RPH3A: variants seen among roughly 807,000 people sequenced by gnomAD.
RPH3A encodes rabphilin 3A, also known as rabphilin-3A.
RPH3A carries 48 observed loss-of-function variants against 102.2 expected under a neutral mutation model. The observed-to-expected ratio is 0.47, with a 90% CI of 0.37 to 0.60. RPH3A has a LOEUF of 0.60. RPH3A is among the 20% of genes least tolerant of loss of function. The probability of loss-of-function intolerance (pLI) is 0.00; values close to 1 mark genes in which losing one functional copy is unlikely to be tolerated. For missense variants in RPH3A, 781 were observed against 910.1 expected, an observed-to-expected ratio of 0.86 and a Z score of 1.83; for synonymous variants, 310 against 324.3, an observed-to-expected ratio of 0.96 and a Z score of 0.47.
intron 2 of RPH3A, among the ~76,000 whole-genome samples, chr12:112,801,930 A>G (rs2041362454): frequency 6.6e-6 from 1 of 152,184 alleles, no homozygotes. Context: ...GTATGTTTTT[A>G]AGATCCATCC....
chr12:112,713,027 T>C (rs1387287593), intron 1 of RPH3A, among the ~76,000 whole-genome samples: 2 of 69,094 alleles, frequency 2.9e-5, no homozygotes, highest in Admixed American at 1.9e-4. Flanking sequence ...CTCTTCCTCT[T>C]CTTCTTCTTC....
intron 2 of RPH3A, among the ~76,000 whole-genome samples, chr12:112,815,368 A>T (rs1168195584): frequency 6.6e-6 from 1 of 152,240 alleles, no homozygotes; most frequent in Admixed American, 6.5e-5. Flanking sequence ...AGAGCAGGAG[A>T]GTCAGGAGCC....
intron 1 of RPH3A, among the ~76,000 whole-genome samples, chr12:112,655,102 G>T (rs1024162691): frequency 6.6e-6 from 1 of 152,184 alleles, no homozygotes; most frequent in African/African-American, 2.4e-5. Context: ...AGACCACAAA[G>T]GGTTTCATTT....
At chr12:112,683,693 AATT>A (rs1237708548) in intron 1 of RPH3A, among the ~76,000 whole-genome samples, 2 of 152,272 alleles carry the variant, frequency 1.3e-5, no homozygotes, top group East Asian at 3.9e-4. Flanking sequence ...AAGATGGGGC[AATT>A]ATTTCACTGA....
intron 1 of RPH3A, among the ~76,000 whole-genome samples, chr12:112,753,407 C>T (rs2040799056): frequency 6.6e-6 from 1 of 152,140 alleles, no homozygotes; most frequent in African/African-American, 2.4e-5. Flanking sequence ...ACAGGGGAGG[C>T]AACAAATAAG....
intron 1 of RPH3A, among the ~76,000 whole-genome samples, chr12:112,617,048 T>C (rs1415763272): frequency 6.6e-6 from 1 of 152,188 alleles, no homozygotes; most frequent in African/African-American, 2.4e-5. Flanking sequence ...AAGACAGTTT[T>C]TTCCCTCCTG....
intron 2 of RPH3A, among the ~76,000 whole-genome samples, chr12:112,820,095 C>CT (rs1357505452): frequency 3.3e-5 from 5 of 152,322 alleles, no homozygotes; most frequent in Admixed American, 3.3e-4. Flanking sequence ...GCTTACCTCT[C>CT]TATTTCCTGA....
chr12:112,770,297 T>G (rs1477229507), intron 1 of RPH3A, among the ~76,000 whole-genome samples: 1 of 152,020 alleles, frequency 6.6e-6, no homozygotes, highest in Admixed American at 6.6e-5. Context: ...TTTATTTATT[T>G]ATTTATTTAT....
intron 1 of RPH3A, among the ~76,000 whole-genome samples, chr12:112,725,308 G>C (rs2040580404): frequency 6.9e-6 from 1 of 145,942 alleles, no homozygotes; most frequent in Admixed American, 7.0e-5. Context: ...TGCATCTTCT[G>C]CTTTTGAGGG....
upstream of RPH3A, among the ~76,000 whole-genome samples, chr12:112,789,669 A>T (rs7136251): frequency 0.19 from 28,968 of 151,814 alleles, 4,174 homozygotes; most frequent in African/African-American, 0.41. Context: ...TTTCAATAGC[A>T]GCCATCATTG....
At chr12:112,889,639 G>A (rs914853326) in intron 17 of RPH3A, among the ~76,000 whole-genome samples, 9 of 152,172 alleles carry the variant, frequency 5.9e-5, no homozygotes, top group Non-Finnish European at 8.8e-5. Context: ...AAAGCACCTG[G>A]TGGGTCAGAC....
At chr12:112,659,842 G>A (rs1001932569) in intron 1 of RPH3A, among the ~76,000 whole-genome samples, 8 of 152,148 alleles carry the variant, frequency 5.3e-5, no homozygotes, top group Non-Finnish European at 1.0e-4. Context: ...TGATCTGTCT[G>A]CATCATTCTT....
At chr12:112,835,379 G>A (rs1038109452) in intron 3 of RPH3A, among the ~76,000 whole-genome samples, 3 of 152,174 alleles carry the variant, frequency 2.0e-5, no homozygotes, top group African/African-American at 7.2e-5. Flanking sequence ...TTTAAGAAAT[G>A]TCAGTTAATT....
chr12:112,669,385 A>G (rs1006020842), intron 1 of RPH3A, among the ~76,000 whole-genome samples: 2 of 152,240 alleles, frequency 1.3e-5, no homozygotes, highest in Admixed American at 1.3e-4. Flanking sequence ...GTTTAAAAAT[A>G]ATAAAGCTGA....
At chr12:112,743,688 TC>T (rs1013089627) in intron 1 of RPH3A, among the ~76,000 whole-genome samples, 2 of 151,788 alleles carry the variant, frequency 1.3e-5, no homozygotes, top group Admixed American at 6.6e-5. Context: ...GGTTTTTTTT[TC>T]CCCCCAAGGG....
At position 112,620,542 on chromosome 12, in the gene RPH3A, A is replaced by G. The variant is rs1488232118; in HGVS notation, c.-140+45223A>G. Among the ~76,000 whole-genome samples the G allele has an allele frequency of 2.6e-5, 4 of 152,256 alleles. No individual in the cohort carries two copies. In the East Asian group the frequency reaches 7.7e-4, roughly 29 times the overall value. The stretch of plus-strand genomic sequence containing the variant: ...TGCCCTCTCAGTGTATATGATTTCA[A>G]AATTTGTTGTTTCCAGCCTGGCGGG... On this transcript the variant is annotated intron_variant, in intron 1 of 21. Transcript: ENST00000543106.
intron 1 of RPH3A, among the ~76,000 whole-genome samples, chr12:112,677,662 C>T (rs1328142449): frequency 3.3e-5 from 5 of 151,766 alleles, no homozygotes; most frequent in Admixed American, 2.0e-4. Context: ...GCCTCAGTTT[C>T]CTCTTCTGTA....
intron 1 of RPH3A, among the ~76,000 whole-genome samples, chr12:112,666,523 A>G (rs2040084360): frequency 6.6e-6 from 1 of 152,174 alleles, no homozygotes; most frequent in Admixed American, 6.5e-5. Flanking sequence ...ATGTGAAAAT[A>G]GGACTGCTTT....
intron 7 of RPH3A, among the ~76,000 whole-genome samples, chr12:112,867,314 CCTT>C (rs2052259872): frequency 6.6e-6 from 1 of 152,110 alleles, no homozygotes; most frequent in South Asian, 2.1e-4. Context: ...TCCCAGGCAT[CCTT>C]CTCTTCCCCA....
Sources: allele counts gnomAD v4.1 joint callset (sites outside exome capture counted in the v4.1 genomes callset), GRCh38; gene constraint gnomAD v4.1.1; transcripts MANE v1.5; gene names NCBI Gene and HGNC (gene_info 2026-07-23, HGNC 2026-07-21).